Variants in LGALS8 observed in about 807,000 individuals in gnomAD.
The protein encoded by LGALS8 is galectin 8, also known as galectin-8.
Under a neutral mutation model 35.9 loss-of-function variants are expected in LGALS8, and 30 were observed. The observed-to-expected ratio is 0.83, with a 90% CI of 0.62 to 1.13. The LOEUF (loss-of-function observed/expected upper bound fraction) is 1.13, where lower values mean the gene tolerates loss of function less well. LGALS8 is among the 50% of genes most tolerant of loss of function. The pLI is 0.00. For synonymous variants in LGALS8, 138 were observed against 136.1 expected, an observed-to-expected ratio of 1.01 and a Z score of -0.10; for missense variants, 366 against 388.7, an observed-to-expected ratio of 0.94 and a Z score of 0.49.
rs2103117266 is a variant in LGALS8 at position 236,550,333 on chromosome 1, C to T, written c.*2172C>T. The T allele has an allele frequency of 6.6e-6, 1 of 152,318 alleles. No homozygotes were observed. The highest frequency in any genetic ancestry group is 1.5e-5 in the Non-Finnish European group (1 of 68,056). The allele number at this position is 152,318 out of a possible 1,614,324, so 9.4% of individuals were successfully genotyped here. A position where few individuals can be genotyped will look rare whatever the true frequency, so the allele number is the denominator to read the frequency against. ...GAACAAAGGATAAAGGTGACAGTCA[C>T]ACTCCTGGGTTAAAAAAAGCATTCC... is the stretch of plus-strand genomic sequence containing the variant. On this transcript the variant is annotated 3_prime_UTR_variant, in exon 10 of 10. Transcript: ENST00000366584.
rs1421560070 is a variant in LGALS8, at chr1:236,526,128, TATAAG to T, written c.45+18_45+22del. On this transcript the variant is annotated intron_variant, in intron 2 of 9. Coordinates refer to ENST00000366584, the MANE Select transcript of LGALS8 (RefSeq NM_201544.4). This position sits in a 1 kb window ranked among gnomAD's most constrained non-coding sequence, Gnocchi z 4.6. The stretch of plus-strand genomic sequence containing the variant: ...CATCTATAACCCGGTAACTGATTTC[TATAAG>T]ATAACTTTTTACCTATGCCAGGACA... 8.8e-6 allele frequency: 14 copies of T among 1,582,336 alleles called. No homozygotes were observed. The East Asian group carries it at 8.9e-5, about 10-fold the overall frequency.
At chr1:236,536,655 G>C (rs759883750) in intron 2 of LGALS8, 1 of 152,488 alleles carries the variant, frequency 6.6e-6, no homozygotes, top group African/African-American at 2.4e-5. Context: ...CAGTCTGGGA[G>C]TCCAGCAGAG....
In LGALS8 at chr1:236,549,986, A is replaced by G. The variant is rs1300876944; in HGVS notation, c.*1825A>G. ...TCTATATTAGCTTCAAAGGCTTTTA[A>G]ACTCAATGCGAACATTCTACGGGAT... On this transcript the variant is annotated 3_prime_UTR_variant, in exon 10 of 10. Coordinates refer to ENST00000366584, the MANE Select transcript of LGALS8 (RefSeq NM_201544.4). 6.6e-6 allele frequency: 1 copy of G among 152,188 alleles called. No homozygotes were observed. Among genetic ancestry groups the G allele is most frequent in the African/African-American group, 2.4e-5 (1 of 41,442 alleles). The allele number at this position is 152,188 out of a possible 1,614,324, so 9.4% of individuals were successfully genotyped here.
intron 9 of LGALS8, 33 bp downstream of exon 9, chr1:236,544,948 A>T: frequency 6.5e-7 from 1 of 1,545,060 alleles, no homozygotes; most frequent in South Asian, 1.2e-5. Context: ...TGGGACAGCA[A>T]TAAGAATCCT....
rs2472126 is a variant in LGALS8 at position 236,539,074 on chromosome 1, G to A, written c.330G>A (p.Leu110=). Residue 110 remains leucine (L), a synonymous_variant, in exon 4 of 10, where the codon CTG becomes CTA. Coordinates refer to ENST00000366584, the MANE Select transcript of LGALS8 (RefSeq NM_201544.4). Reference sequence around the variant, plus strand: ...CTTTTGAGATCGTGATTATGGTGCTGAAGGACAAATTCCAGGTAGGTTTTG... The same window carrying A: ...CTTTTGAGATCGTGATTATGGTGCTAAAGGACAAATTCCAGGTAGGTTTTG... ...EKSFEIVIMV[L]KDKFQVAVNG... 980,444 of 1,612,944 alleles carry A rather than the reference G, an allele frequency of 0.61. 304,927 individuals are homozygous for A. The highest frequency in any genetic ancestry group is 0.65 in the Non-Finnish European group (763,670 of 1,179,370).
At chr1:236,539,572 G>C (rs889053657) in intron 4 of LGALS8, among the ~76,000 whole-genome samples, 1 of 151,988 alleles carries the variant, frequency 6.6e-6, no homozygotes, top group Non-Finnish European at 1.5e-5. Flanking sequence ...CTGGCTTCAT[G>C]GAGTGTCTTG....
At position 236,529,357 on chromosome 1, in the gene LGALS8, G is replaced by A. The variant is rs543566370; in HGVS notation, c.45+3242G>A. Among the ~76,000 whole-genome samples, 3 of 152,174 alleles carry A rather than the reference G, an allele frequency of 2.0e-5. No homozygotes were observed. The South Asian group carries it at 6.2e-4, about 32-fold the overall frequency. On this transcript the variant is annotated intron_variant, in intron 2 of 9. Transcript: ENST00000366584. ...AGCACTTTGGGAAGCCGAGGCGAGA[G>A]GATCACTTGAGGTCAGGAGTTCGAG...
chr1:236,544,829 G>A lies in LGALS8; in HGVS notation c.718G>A (p.Val240Ile). Residue 240 changes from valine to isoleucine, a missense_variant, in exon 9 of 10, where the codon GTA (valine) becomes ATA (isoleucine). Physicochemically the swap from Val to Ile is conservative, Grantham distance 29 (BLOSUM62 3). Transcript: ENST00000366584. ...LNPRLNIKAFVRNSFLQESWG... is the reference protein window; with the variant it reads ...LNPRLNIKAFIRNSFLQESWG... ...CCCACGCCTGAATATTAAAGCATTT[G>A]TAAGAAATTCTTTTCTTCAGGAGTC... 2 of 1,613,270 alleles carry A rather than the reference G, an allele frequency of 1.2e-6. No homozygotes were observed.
intron 3 of LGALS8, 116 bp from the exon 4 acceptor site, chr1:236,538,763 G>GA: frequency 6.9e-6 from 5 of 724,152 alleles, no homozygotes; most frequent in Non-Finnish European, 1.0e-5. Context: ...GTGAATGAAT[G>GA]AGGAGGGATT....
At chr1:236,531,841 T>C (rs1661167575) in intron 2 of LGALS8, among the ~76,000 whole-genome samples, 1 of 152,210 alleles carries the variant, frequency 6.6e-6, no homozygotes, top group Admixed American at 6.5e-5. Flanking sequence ...AGAGTTGTAC[T>C]TGTGCCTATG....
At chr1:236,520,919 C>T (rs1317409297), upstream of LGALS8, among the ~76,000 whole-genome samples, 1 of 152,188 alleles carries the variant, frequency 6.6e-6, no homozygotes, top group Non-Finnish European at 1.5e-5. Flanking sequence ...AATGCTCTTC[C>T]CCACCATCTT....
At chr1:236,538,788 C>A in intron 3 of LGALS8, 91 bp from the exon 4 acceptor site, 3 of 858,748 alleles carry the variant, frequency 3.5e-6, no homozygotes, top group Admixed American at 1.8e-5. Context: ...AGTCCCTTGT[C>A]ACTGGGCCTG....
chr1:236,518,275 A>G (rs1660454688), exon 1 of LGALS8: 1 of 152,176 alleles, frequency 6.6e-6, no homozygotes, highest in Admixed American at 6.5e-5. Flanking sequence ...GATCCTGTAG[A>G]ACTTCGGAGG....
At position 236,548,684 on chromosome 1, in the gene LGALS8, A is replaced by C. The variant is rs1662565608; in HGVS notation, c.*523A>C. 1 of 373,428 alleles carries C rather than the reference A, an allele frequency of 2.7e-6. No individual in the cohort carries two copies. Among genetic ancestry groups the C allele is most frequent in the East Asian group, 3.8e-5 (1 of 26,024 alleles). 23.1% of individuals were successfully genotyped at this position (373,428 alleles called of 1,614,324 possible). On this transcript the variant is annotated 3_prime_UTR_variant, in exon 10 of 10. Transcript: ENST00000366584. ...TTAAATCACCCGAAGACACTAACTT[A>C]CAGAAGACACAACTCCTTCCCCAGT...
In LGALS8 at chr1:236,539,075, A is replaced by C; in HGVS notation, c.331A>C (p.Lys111Gln). The C allele has an allele frequency of 6.2e-7, 1 of 1,613,668 alleles. No homozygotes were observed. The highest frequency in any genetic ancestry group is 1.1e-5 in the South Asian group (1 of 91,042). The change falls in exon 4 of 10, where the codon AAG becomes CAG. Residue 111 changes from lysine (K) to glutamine (Q), a missense_variant. Lys to Gln is a moderately conservative substitution (Grantham distance 53). Transcript: ENST00000366584. ...TTTTGAGATCGTGATTATGGTGCTG[A>C]AGGACAAATTCCAGGTAGGTTTTGG... ...KSFEIVIMVL[K>Q]DKFQVAVNGK...
intron 2 of LGALS8, among the ~76,000 whole-genome samples, chr1:236,529,776 G>A (rs981391706): frequency 6.6e-6 from 1 of 151,214 alleles, no homozygotes; most frequent in Non-Finnish European, 1.5e-5. Flanking sequence ...AGCCTCCCGA[G>A]TAGCTGGGAC....
In LGALS8 at chr1:236,544,885, T is replaced by C. The variant is rs777748181; in HGVS notation, c.774T>C (p.Ser258=). 1 of 1,612,936 alleles carries C rather than the reference T, an allele frequency of 6.2e-7. No homozygotes were observed. Among genetic ancestry groups the C allele is most frequent in the East Asian group, 2.2e-5 (1 of 44,860 alleles). Reference sequence around the variant, plus strand: ...GAGAAGAAGAGAGAAATATTACCTCTTTCCCATTTAGTCCTGGGATGTACT... The same window carrying C: ...GAGAAGAAGAGAGAAATATTACCTCCTTCCCATTTAGTCCTGGGATGTACT... The part of the protein sequence containing the change: ...SWGEEERNIT[S]FPFSPGMYFE... Residue 258 remains serine, a synonymous_variant, in exon 9 of 10, where the codon TCT becomes TCC. Transcript: ENST00000366584.
chr1:236,542,564 C>T (rs554484570), intron 6 of LGALS8, 197 bp from the exon 7 acceptor site: 19 of 610,736 alleles, frequency 3.1e-5, no homozygotes, highest in South Asian at 2.5e-4. Flanking sequence ...ATATCAGACT[C>T]TCTTCTCAAC....
chr1:236,522,046 G>C (rs1474867645), upstream of LGALS8, among the ~76,000 whole-genome samples: 2 of 152,170 alleles, frequency 1.3e-5, no homozygotes, highest in African/African-American at 2.4e-5. Context: ...CTTTACTGCT[G>C]TGCCTGGCCA....
Sources: allele counts gnomAD v4.1 joint callset (sites outside exome capture counted in the v4.1 genomes callset), GRCh38; gene constraint gnomAD v4.1.1; non-coding constraint Gnocchi (gnomAD v3.1); transcripts MANE v1.5; gene names NCBI Gene and HGNC (gene_info 2026-07-23, HGNC 2026-07-21).